Variants in MYPN observed in about 807,000 individuals in gnomAD.
MYPN encodes the protein sarcomeric protein myopalladin, 145 kDa (MYOP).
Under a neutral mutation model 129.4 loss-of-function variants are expected in MYPN, and 63 were observed. That is an observed-to-expected ratio of 0.49 (90% confidence interval 0.40 to 0.60). MYPN has a LOEUF of 0.60. Ranked by LOEUF, MYPN falls within the 20% of genes least tolerant of loss-of-function variation. The pLI is 0.00. For missense variants in MYPN, 1,596 were observed against 1,635.4 expected, an observed-to-expected ratio of 0.98 and a Z score of 0.42; for synonymous variants, 629 against 600.9, an observed-to-expected ratio of 1.05 and a Z score of -0.68.
chr10:68,206,133 T>C (rs1459014859), intron 18 of MYPN, among the ~76,000 whole-genome samples: 1 of 151,504 alleles, frequency 6.6e-6, no homozygotes, highest in Non-Finnish European at 1.5e-5. Flanking sequence ...GGCCCTATGG[T>C]TTTTGATCCA....
At chr10:68,189,219 TTTC>T in intron 13 of MYPN, 93 bp downstream of exon 13, 1 of 886,540 alleles carries the variant, frequency 1.1e-6, no homozygotes, top group East Asian at 2.5e-5. Flanking sequence ...CGCAATGTTT[TTTC>T]TTCTTTTTTG....
chr10:68,196,259 T>C lies in MYPN; in HGVS notation c.3158+727T>C, dbSNP rs2043602274. Reference sequence around the variant, plus strand: ...TATATTGATGGAATGTTTTTGTTGTTGTCTCCAATACAACAACTGGTTTTC... The same window carrying C: ...TATATTGATGGAATGTTTTTGTTGTCGTCTCCAATACAACAACTGGTTTTC... On this transcript the variant is annotated intron_variant, in intron 15 of 19. Coordinates refer to ENST00000358913, the MANE Select transcript of MYPN (RefSeq NM_032578.4). Among the ~76,000 whole-genome samples the C allele has an allele frequency of 1.3e-5, 2 of 152,256 alleles. 1 individual carries two copies. The highest frequency in any genetic ancestry group is 1.3e-4 in the Admixed American group (2 of 15,284).
At chr10:68,092,387 C>T (rs1046610186) in intron 1 of MYPN, among the ~76,000 whole-genome samples, 1 of 151,472 alleles carries the variant, frequency 6.6e-6, no homozygotes, top group Non-Finnish European at 1.5e-5. Context: ...CCCAGCTACT[C>T]GGGAGGCTGA....
intron 18 of MYPN, among the ~76,000 whole-genome samples, chr10:68,204,247 CA>C (rs2043772179): frequency 6.6e-6 from 1 of 152,160 alleles, no homozygotes; most frequent in South Asian, 2.1e-4. Context: ...TCACAACACC[CA>C]ATGCCTTTCA....
chr10:68,122,353 C>T lies in MYPN; in HGVS notation c.902+13C>T. On this transcript the variant is annotated intron_variant, in intron 2 of 19. Coordinates refer to ENST00000358913, the MANE Select transcript of MYPN (RefSeq NM_032578.4). ...CACCTCAAGTAAGGTAAAAATGTCC[C>T]ATTGGTAATGCTGAGTAATGTTGCT... 3.1e-6 allele frequency: 5 copies of T among 1,611,950 alleles called. No homozygotes were observed. The highest frequency in any genetic ancestry group is 4.2e-6 in the Non-Finnish European group (5 of 1,179,486).
intron 2 of MYPN, among the ~76,000 whole-genome samples, chr10:68,134,421 A>T (rs1564654372): frequency 6.6e-6 from 1 of 152,220 alleles, no homozygotes; most frequent in Non-Finnish European, 1.5e-5. Flanking sequence ...CCCTCCTCAA[A>T]GTAATTTAAT....
At chr10:68,122,853 G>A (rs1240721143) in intron 2 of MYPN, among the ~76,000 whole-genome samples, 2 of 152,058 alleles carry the variant, frequency 1.3e-5, no homozygotes, top group Non-Finnish European at 2.9e-5. Context: ...GGTGAGCCGA[G>A]ATCGCGCCAC....
chr10:68,185,161 G>A (rs577149809), intron 12 of MYPN, among the ~76,000 whole-genome samples: 18 of 143,834 alleles, frequency 1.3e-4, no homozygotes, highest in African/African-American at 4.2e-4. Flanking sequence ...AGGGAGGGAG[G>A]GAAGGAGGGA....
At chr10:68,201,705 G>A in intron 17 of MYPN, 124 bp from the exon 18 acceptor site, 2 of 1,040,054 alleles carry the variant, frequency 1.9e-6, no homozygotes, top group Non-Finnish European at 2.8e-6. Flanking sequence ...CAGGGGAGGG[G>A]TGCAGGCAGA....
chr10:68,189,540 G>A (rs2043477891), intron 13 of MYPN, among the ~76,000 whole-genome samples: 1 of 152,076 alleles, frequency 6.6e-6, no homozygotes, highest in African/African-American at 2.4e-5. Context: ...CCCAGCCTGT[G>A]GTAACCACCA....
chr10:68,146,446 G>A (rs1006659751), intron 4 of MYPN, among the ~76,000 whole-genome samples: 6 of 152,128 alleles, frequency 3.9e-5, no homozygotes, highest in Admixed American at 3.9e-4. Flanking sequence ...ACAAACCTAA[G>A]GGGTATGAAT....
chr10:68,173,691 TC>T (rs1299259272), intron 10 of MYPN, among the ~76,000 whole-genome samples: 1 of 151,722 alleles, frequency 6.6e-6, no homozygotes, highest in Admixed American at 6.6e-5. Flanking sequence ...AATCTCCGCC[TC>T]CAGGCTCAAG....
At chr10:68,158,899 T>C (rs927022977) in intron 7 of MYPN, among the ~76,000 whole-genome samples, 1 of 108,094 alleles carries the variant, frequency 9.3e-6, no homozygotes, top group Non-Finnish European at 2.0e-5. Flanking sequence ...ACACAGAGCC[T>C]CCTTACTTTT....
At chr10:68,196,461 G>A (rs567742699) in intron 15 of MYPN, among the ~76,000 whole-genome samples, 2 of 147,502 alleles carry the variant, frequency 1.4e-5, no homozygotes, top group African/African-American at 2.5e-5. Context: ...TTTCACCACC[G>A]TTGCAACTAT....
At chr10:68,191,455 T>G (rs1217231215) in intron 13 of MYPN, among the ~76,000 whole-genome samples, 1 of 152,118 alleles carries the variant, frequency 6.6e-6, no homozygotes, top group African/African-American at 2.4e-5. Flanking sequence ...TGGCCTCAAG[T>G]GATCTGCTCA....
chr10:68,135,004 T>C (rs2042464928), intron 2 of MYPN, among the ~76,000 whole-genome samples: 1 of 151,946 alleles, frequency 6.6e-6, no homozygotes, highest in African/African-American at 2.4e-5. Context: ...CAGGCTGGAG[T>C]ACAGTGCCAT....
chr10:68,208,878 C>A (rs550816070), intron 19 of MYPN, among the ~76,000 whole-genome samples: 24 of 152,178 alleles, frequency 1.6e-4, no homozygotes, highest in Middle Eastern at 3.4e-3. Flanking sequence ...TGCAGTAGTC[C>A]AGTTAAGATG....
chr10:68,193,797 G>GCACA (rs368376657), intron 13 of MYPN, among the ~76,000 whole-genome samples: 14,739 of 126,912 alleles, frequency 0.12, 812 homozygotes, highest in East Asian at 0.19. Context: ...ATGTGTATGT[G>GCACA]CACACACACA....
intron 7 of MYPN, among the ~76,000 whole-genome samples, chr10:68,160,446 A>C (rs1170057326): frequency 3.3e-5 from 5 of 150,986 alleles, no homozygotes; most frequent in South Asian, 2.1e-4. Context: ...AAAAAAAAAA[A>C]AAAAAAAAAC....
Sources: gnomAD v4.1 joint callset for allele counts (sites outside exome capture counted in the v4.1 genomes callset) on GRCh38, gnomAD v4.1.1 for gene constraint, MANE v1.5 for transcripts, NCBI Gene and HGNC (gene_info 2026-07-23, HGNC 2026-07-21) for gene names.